Variants in SIPA1L1 observed in about 807,000 individuals in gnomAD.
SIPA1L1 encodes the protein signal induced proliferation associated 1 like 1.
SIPA1L1 carries 26 observed loss-of-function variants against 162.7 expected under a neutral mutation model. The observed-to-expected ratio is 0.16, with a 90% CI of 0.12 to 0.22. The LOEUF (loss-of-function observed/expected upper bound fraction) is 0.22, where lower values mean the gene tolerates loss of function less well. Ranked by LOEUF, SIPA1L1 falls within the 10% of genes least tolerant of loss-of-function variation. SIPA1L1 has a pLI of 1.00. For synonymous variants in SIPA1L1, 829 were observed against 837.4 expected (o/e 0.99, Z 0.17); for missense variants, 1,874 against 2,241.0 (o/e 0.84, Z 3.31).
At chr14:71,597,556 G>A (rs537049155) in intron 5 of SIPA1L1, among the ~76,000 whole-genome samples, 1 of 152,312 alleles carries the variant, frequency 6.6e-6, no homozygotes, top group Admixed American at 6.5e-5. Context: ...TTACATAGGA[G>A]AAGTAGTGTA....
intron 3 of SIPA1L1, among the ~76,000 whole-genome samples, chr14:71,526,048 T>A (rs1445610827): frequency 6.6e-6 from 1 of 152,158 alleles, no homozygotes; most frequent in Non-Finnish European, 1.5e-5. Context: ...ACTGTAGATG[T>A]GAAGGGAGAG....
At chr14:71,525,484 G>T (rs572093691) in intron 3 of SIPA1L1, among the ~76,000 whole-genome samples, 13 of 152,292 alleles carry the variant, frequency 8.5e-5, no homozygotes, top group Middle Eastern at 3.4e-3. Flanking sequence ...CGCCCAGCCT[G>T]TAGTGACTAG....
At chr14:71,490,624 C>G (rs753033297) in intron 2 of SIPA1L1, among the ~76,000 whole-genome samples, 2 of 152,166 alleles carry the variant, frequency 1.3e-5, no homozygotes, top group Non-Finnish European at 2.9e-5. Context: ...ATTGCCCACA[C>G]AGGTGATGTG....
At chr14:71,452,793 T>C (rs555054084) in intron 2 of SIPA1L1, among the ~76,000 whole-genome samples, 19 of 152,258 alleles carry the variant, frequency 1.2e-4, no homozygotes, top group Non-Finnish European at 2.2e-4. Flanking sequence ...AGAGGACTAG[T>C]GCTTTGACCT....
intron 2 of SIPA1L1, among the ~76,000 whole-genome samples, chr14:71,464,438 C>T (rs990815668): frequency 5.9e-5 from 9 of 152,234 alleles, no homozygotes; most frequent in Admixed American, 1.3e-4. Flanking sequence ...ATCAGGACTT[C>T]GAGACCAGCC....
intron 4 of SIPA1L1, among the ~76,000 whole-genome samples, chr14:71,571,471 A>T (rs1427830897): frequency 1.3e-5 from 2 of 152,032 alleles, no homozygotes; most frequent in African/African-American, 4.8e-5. Context: ...AGATGATCCT[A>T]AAAAAAATCC....
At chr14:71,727,506 T>C (rs949017262) in intron 19 of SIPA1L1, among the ~76,000 whole-genome samples, 1 of 151,940 alleles carries the variant, frequency 6.6e-6, no homozygotes, top group Non-Finnish European at 1.5e-5. Flanking sequence ...GTTTCTCTTA[T>C]GGGAGGGATG....
At chr14:71,723,559 C>T (rs1368717904) in intron 17 of SIPA1L1, 88 bp from the exon 18 acceptor site, 5 of 1,474,384 alleles carry the variant, frequency 3.4e-6, no homozygotes, top group African/African-American at 2.8e-5. Flanking sequence ...TGTTGTTCAA[C>T]CCAGCCATCA....
chr14:71,540,512 C>G (rs2145735157), intron 4 of SIPA1L1, among the ~76,000 whole-genome samples: 1 of 152,068 alleles, frequency 6.6e-6, no homozygotes, highest in South Asian at 2.1e-4. Flanking sequence ...AAGACCGCAT[C>G]TCTACGAAAA....
chr14:71,393,215 C>T (rs1266713122), intron 2 of SIPA1L1, among the ~76,000 whole-genome samples: 1 of 152,072 alleles, frequency 6.6e-6, no homozygotes, highest in African/African-American at 2.4e-5. Context: ...AATAGTACTC[C>T]TTAAAAATTG....
At chr14:71,559,438 T>C (rs1423162533) in intron 4 of SIPA1L1, among the ~76,000 whole-genome samples, 3 of 152,204 alleles carry the variant, frequency 2.0e-5, no homozygotes, top group African/African-American at 7.2e-5. Flanking sequence ...ATAGGTACTT[T>C]TTATAGATTT....
At chr14:71,695,285 CTA>C (rs1231688421) in intron 13 of SIPA1L1, among the ~76,000 whole-genome samples, 1 of 151,908 alleles carries the variant, frequency 6.6e-6, no homozygotes, top group Non-Finnish European at 1.5e-5. Context: ...TATGTGTGTT[CTA>C]TGTGTGTGAA....
chr14:71,562,236 T>C (rs1030163448), intron 4 of SIPA1L1, among the ~76,000 whole-genome samples: 8 of 151,992 alleles, frequency 5.3e-5, no homozygotes, highest in Admixed American at 3.3e-4. Context: ...AATGATACTT[T>C]TGTTTATTTT....
intron 2 of SIPA1L1, among the ~76,000 whole-genome samples, chr14:71,326,417 C>T (rs112731148): frequency 0.018 from 2,678 of 152,152 alleles, 32 homozygotes; most frequent in African/African-American, 0.026. Flanking sequence ...CCATGTTGGC[C>T]AGGCTGGTCT....
At position 71,702,371 on chromosome 14, in the gene SIPA1L1, A is replaced by G; in HGVS notation, c.3522-10A>G. 3 of 1,613,862 alleles carry G rather than the reference A, an allele frequency of 1.9e-6. No individual in the cohort carries two copies. The highest frequency in any genetic ancestry group is 1.1e-5 in the South Asian group (1 of 91,044). On this transcript the variant is annotated splice_polypyrimidine_tract_variant and intron_variant, in intron 14 of 23. Coordinates refer to ENST00000381232, the MANE Select transcript of SIPA1L1 (RefSeq NM_001386936.1). ...TGATGTTGTCTTTGCCTTTGCGGAAATCACCACAGGTTTGGAGTGAGCCGT... is the reference window on the plus strand; with the variant it reads ...TGATGTTGTCTTTGCCTTTGCGGAAGTCACCACAGGTTTGGAGTGAGCCGT...
At chr14:71,604,856 G>T (rs1043101473) in intron 5 of SIPA1L1, among the ~76,000 whole-genome samples, 15 of 152,088 alleles carry the variant, frequency 9.9e-5, no homozygotes, top group African/African-American at 3.4e-4. Context: ...AAAATGTGCT[G>T]TGGAGAAGAC....
At chr14:71,729,005 A>C (rs2084499667) in intron 19 of SIPA1L1, among the ~76,000 whole-genome samples, 1 of 152,198 alleles carries the variant, frequency 6.6e-6, no homozygotes, top group South Asian at 2.1e-4. Context: ...TAAATATATA[A>C]TTATTTGTCA....
intron 7 of SIPA1L1, among the ~76,000 whole-genome samples, chr14:71,646,081 C>G (rs1449812936): frequency 6.6e-6 from 1 of 152,102 alleles, no homozygotes; most frequent in Non-Finnish European, 1.5e-5. Context: ...TTATTCACAT[C>G]TCTTTCTTCT....
chr14:71,484,771 G>A (rs933211512), intron 2 of SIPA1L1, among the ~76,000 whole-genome samples: 16 of 152,152 alleles, frequency 1.1e-4, no homozygotes, highest in African/African-American at 3.9e-4. Flanking sequence ...TGTTAGTTTG[G>A]CAACCAATAT....
Sources: allele counts gnomAD v4.1 joint callset (sites outside exome capture counted in the v4.1 genomes callset), GRCh38; gene constraint gnomAD v4.1.1; transcripts MANE v1.5; gene names NCBI Gene and HGNC (gene_info 2026-07-23, HGNC 2026-07-21).